Variants in ZNF567 observed in about 807,000 individuals in gnomAD.
ZNF567 encodes zinc finger protein 567.
ZNF567 carries 36 observed loss-of-function variants against 53.9 expected under a neutral mutation model. The observed-to-expected ratio is 0.67, with a 90% confidence interval of 0.51 to 0.88. The LOEUF (loss-of-function observed/expected upper bound fraction) is 0.88, where lower values mean the gene tolerates loss of function less well. ZNF567 is among the 40% of genes least tolerant of loss of function. ZNF567 has a pLI of 0.00. For synonymous variants in ZNF567, 224 were observed against 260.4 expected (o/e 0.86, Z 1.35); for missense variants, 619 against 764.7 (o/e 0.81, Z 2.25).
At chr19:36,713,934 C>A (rs1175208645) in intron 5 of ZNF567, among the ~76,000 whole-genome samples, 1 of 151,574 alleles carries the variant, frequency 6.6e-6, no homozygotes, top group Non-Finnish European at 1.5e-5. Context: ...GACTCCATTT[C>A]AAAAAAAATA....
the ZNF567 span, among the ~76,000 whole-genome samples, chr19:36,674,531 G>A: frequency 7.9e-5 from 12 of 152,066 alleles, no homozygotes; most frequent in Non-Finnish European, 1.5e-4. Context: ...CTGATAGCAG[G>A]GCATTATGGC....
chr19:36,716,109 C>G (rs1176910513), intron 5 of ZNF567, among the ~76,000 whole-genome samples: 1 of 150,746 alleles, frequency 6.6e-6, no homozygotes, highest in African/African-American at 2.4e-5. Context: ...ATCAGTTTTT[C>G]CCTTTTTTTT....
rs1437502930 is a variant in ZNF567 at position 36,719,628 on chromosome 19, A to T, written c.904A>T (p.Thr302Ser). ...ATCATATCTCATTGATCATCAGAGA[A>T]CTCACACAGGAGAGAAACCCTTTGT... ...RKSYLIDHQR[T>S]HTGEKPFVCN... is the part of the protein sequence containing the mutation. Residue 302 changes from threonine (T) to serine (S), a missense_variant, in exon 6 of 6, where the codon ACT (threonine) becomes TCT (serine). Thr to Ser is a moderately conservative substitution (Grantham distance 58). Transcript: ENST00000682579. 6.2e-7 allele frequency: 1 copy of T among 1,614,034 alleles called. No individual in the cohort carries two copies. The highest frequency in any genetic ancestry group is 8.5e-7 in the Non-Finnish European group (1 of 1,179,910).
chr19:36,724,951 A>G (rs988024192), downstream of ZNF567, among the ~76,000 whole-genome samples: 1 of 151,748 alleles, frequency 6.6e-6, no homozygotes, highest in East Asian at 1.9e-4. Flanking sequence ...GTGGGTGTCA[A>G]GTATCTCATT....
At chr19:36,718,455 C>A (rs567548877) in intron 5 of ZNF567, among the ~76,000 whole-genome samples, 4 of 152,026 alleles carry the variant, frequency 2.6e-5, no homozygotes, top group Non-Finnish European at 5.9e-5. Flanking sequence ...GCCGAGATCA[C>A]GCCACTGCAC....
At chr19:36,697,614 CTT>C (rs961460171) in intron 3 of ZNF567, among the ~76,000 whole-genome samples, 2 of 141,818 alleles carry the variant, frequency 1.4e-5, no homozygotes. Flanking sequence ...ATTTTTTTTT[CTT>C]TTTTTTTTTT....
the ZNF567 span, chr19:36,669,424 T>C: frequency 6.6e-6 from 1 of 152,194 alleles, no homozygotes; most frequent in Non-Finnish European, 1.5e-5. Context: ...ATGAATGTAG[T>C]AACTACATAA....
At chr19:36,678,131 G>T in the ZNF567 span, among the ~76,000 whole-genome samples, 2 of 152,150 alleles carry the variant, frequency 1.3e-5, no homozygotes, top group African/African-American at 4.8e-5. Flanking sequence ...TGTTAAGGTG[G>T]CTCAAAGAAG....
chr19:36,718,168 G>T (rs985525841), intron 5 of ZNF567, among the ~76,000 whole-genome samples: 2 of 152,138 alleles, frequency 1.3e-5, no homozygotes, highest in East Asian at 3.9e-4. Context: ...ACAGCTGGAA[G>T]TGTTTTACCA....
chr19:36,717,149 A>G (rs532280181), intron 5 of ZNF567, among the ~76,000 whole-genome samples: 4 of 152,252 alleles, frequency 2.6e-5, no homozygotes, highest in African/African-American at 7.2e-5. Context: ...AAGATCACCA[A>G]TAAAGTATTT....
At position 36,720,150 on chromosome 19, in the gene ZNF567, T is replaced by A; in HGVS notation, c.1426T>A (p.Ser476Thr). Reference sequence around the variant, plus strand: ...TCAGAGAACACATACAGGGGAGAAATCTTATGAATGTCCTCACTGTGGGAA... The same window carrying A: ...TCAGAGAACACATACAGGGGAGAAAACTTATGAATGTCCTCACTGTGGGAA... ...AHQRTHTGEKSYECPHCGKAF... is the reference protein window; with the variant it reads ...AHQRTHTGEKTYECPHCGKAF... The change falls in exon 6 of 6, where the codon TCT (serine) becomes ACT (threonine). Residue 476 changes from serine to threonine, a missense_variant. Transcript: ENST00000682579. 1.2e-6 allele frequency: 2 copies of A among 1,612,024 alleles called. No homozygotes were observed. Among genetic ancestry groups the A allele is most frequent in the Non-Finnish European group, 1.7e-6 (2 of 1,179,412 alleles).
intron 5 of ZNF567, among the ~76,000 whole-genome samples, chr19:36,713,786 T>C (rs2145851235): frequency 6.6e-6 from 1 of 152,008 alleles, no homozygotes; most frequent in Middle Eastern, 3.4e-3. Context: ...AATACAAAAA[T>C]TAGCTGGGTG....
intron 3 of ZNF567, among the ~76,000 whole-genome samples, chr19:36,708,880 C>A (rs1454616574): frequency 6.6e-6 from 1 of 152,118 alleles, no homozygotes; most frequent in African/African-American, 2.4e-5. Flanking sequence ...CCTCTGTTAG[C>A]TTTTTAGTTA....
chr19:36,723,355 A>C, downstream of ZNF567: 1 of 671,876 alleles, frequency 1.5e-6, no homozygotes, highest in Non-Finnish European at 2.7e-6. Flanking sequence ...GCATCACTGC[A>C]TGTGCTGCCC....
the ZNF567 span, among the ~76,000 whole-genome samples, chr19:36,682,301 AAG>A: frequency 6.6e-6 from 1 of 151,304 alleles, no homozygotes; most frequent in Non-Finnish European, 1.5e-5. Context: ...AAAAAAAAAA[AAG>A]GTTAAATTAC....
intron 3 of ZNF567, among the ~76,000 whole-genome samples, chr19:36,706,037 C>T (rs2039469852): frequency 6.6e-6 from 1 of 152,128 alleles, no homozygotes; most frequent in African/African-American, 2.4e-5. Context: ...AATTTTCTCA[C>T]AATTCTGGAG....
chr19:36,709,011 A>G (rs2039639806), intron 3 of ZNF567, among the ~76,000 whole-genome samples: 1 of 152,186 alleles, frequency 6.6e-6, no homozygotes, highest in African/African-American at 2.4e-5. Context: ...TTGCCACATT[A>G]TAGTTTCATT....
intron 1 of ZNF567, among the ~76,000 whole-genome samples, chr19:36,689,057 A>G (rs1341590154): frequency 6.6e-6 from 1 of 152,196 alleles, no homozygotes; most frequent in Admixed American, 6.5e-5. Flanking sequence ...AGATCGCGCC[A>G]CTGCACTCCA....
the ZNF567 span, among the ~76,000 whole-genome samples, chr19:36,676,785 A>G: frequency 1.3e-5 from 2 of 152,166 alleles, no homozygotes; most frequent in Non-Finnish European, 2.9e-5. Context: ...TGGAAGGCCA[A>G]GGTTGGGGGA....
Sources: allele counts gnomAD v4.1 joint callset (sites outside exome capture counted in the v4.1 genomes callset), GRCh38; gene constraint gnomAD v4.1.1; transcripts MANE v1.5; gene names NCBI Gene and HGNC (gene_info 2026-07-23, HGNC 2026-07-21).